C8orf76: variants seen among roughly 807,000 people sequenced by gnomAD.
C8orf76 encodes chromosome 8 open reading frame 76.
C8orf76 carries 46 observed loss-of-function variants against 38.1 expected under a neutral mutation model. The observed-to-expected ratio is 1.21, with a 90% confidence interval of 0.95 to 1.54. The LOEUF is 1.54. Among genes scored for constraint, C8orf76 ranks in the 40% most tolerant of loss-of-function variants. C8orf76 has a pLI of 0.00. For missense variants in C8orf76, 461 were observed against 441.6 expected, an observed-to-expected ratio of 1.04 and a Z score of -0.39; for synonymous variants, 166 against 167.5, an observed-to-expected ratio of 0.99 and a Z score of 0.07.
intron 2 of C8orf76, 116 bp downstream of exon 2, chr8:123,238,933 C>T: frequency 9.6e-7 from 1 of 1,045,432 alleles, no homozygotes. Flanking sequence ...AAACACACAT[C>T]ACAAAAGATT....
At chr8:123,227,156 C>G (rs1326749963) in intron 4 of C8orf76, among the ~76,000 whole-genome samples, 2 of 152,126 alleles carry the variant, frequency 1.3e-5, no homozygotes, top group African/African-American at 4.8e-5. Flanking sequence ...TGATGACCCT[C>G]TGACAACCAC....
chr8:123,221,103 C>G (rs555634318), intron 5 of C8orf76, among the ~76,000 whole-genome samples: 1 of 152,272 alleles, frequency 6.6e-6, no homozygotes, highest in Admixed American at 6.5e-5. Flanking sequence ...CATGAAAACT[C>G]AAATTATAAT....
At chr8:123,231,950 GAGAA>G (rs1825286615) in intron 3 of C8orf76, among the ~76,000 whole-genome samples, 193 bp from the exon 4 acceptor site, 1 of 152,118 alleles carries the variant, frequency 6.6e-6, no homozygotes. Flanking sequence ...ATGCTACCTA[GAGAA>G]AGAGTCACCA....
intron 3 of C8orf76, 116 bp from the exon 4 acceptor site, chr8:123,231,873 G>T: frequency 9.0e-7 from 1 of 1,111,188 alleles, no homozygotes; most frequent in Non-Finnish European, 1.2e-6. Flanking sequence ...TCTTTCAGTA[G>T]CTATACGAGT....
intron 3 of C8orf76, among the ~76,000 whole-genome samples, chr8:123,233,360 G>A (rs1325526966): frequency 6.6e-6 from 1 of 151,804 alleles, no homozygotes; most frequent in African/African-American, 2.4e-5. Flanking sequence ...GTGTGTTAGG[G>A]TGGAGGCTGT....
In C8orf76 at chr8:123,226,546, A is replaced by C. The variant is rs559914198; in HGVS notation, c.902T>G (p.Met301Arg). 2 of 1,613,596 alleles carry C rather than the reference A, an allele frequency of 1.2e-6. No individual in the cohort carries two copies. The highest frequency in any genetic ancestry group is 1.7e-5 in the Admixed American group (1 of 59,836). ...LRTQQEIEDK[M>R]KGFSFKEDTL... ...GTCTTCTTTGAAGCTGAACCCTTTC[A>C]TTTTATCTTCAATTTCCTGCTGAGT... Residue 301 changes from methionine to arginine, a missense_variant, in exon 5 of 6, where the codon ATG becomes AGG. Met to Arg is a moderately conservative substitution (Grantham distance 91). Coordinates refer to ENST00000276704, the MANE Select transcript of C8orf76 (RefSeq NM_032847.3).
intron 4 of C8orf76, among the ~76,000 whole-genome samples, chr8:123,229,653 T>C (rs1379728843): frequency 6.6e-6 from 1 of 152,232 alleles, no homozygotes; most frequent in Non-Finnish European, 1.5e-5. Context: ...TGGCACACGG[T>C]TGTCATTCAA....
chr8:123,228,221 G>A (rs1329939128), intron 4 of C8orf76, among the ~76,000 whole-genome samples: 1 of 152,018 alleles, frequency 6.6e-6, no homozygotes, highest in Non-Finnish European at 1.5e-5. Flanking sequence ...TATTACCACT[G>A]TACCAGCCTA....
intron 5 of C8orf76, among the ~76,000 whole-genome samples, chr8:123,222,419 A>G (rs1164588931): frequency 6.6e-6 from 1 of 152,238 alleles, no homozygotes; most frequent in African/African-American, 2.4e-5. Context: ...AAGATAAATG[A>G]ATAATAGTAA....
chr8:123,226,033 G>T (rs1363487906), intron 5 of C8orf76, among the ~76,000 whole-genome samples: 1 of 152,116 alleles, frequency 6.6e-6, no homozygotes, highest in Non-Finnish European at 1.5e-5. Context: ...GAATAAAATG[G>T]ACTTGCAGCT....
At chr8:123,221,208 C>T (rs996449286) in intron 5 of C8orf76, among the ~76,000 whole-genome samples, 1 of 152,194 alleles carries the variant, frequency 6.6e-6, no homozygotes, top group African/African-American at 2.4e-5. Context: ...GAGAGCCAAG[C>T]TTCACTAGGC....
intron 3 of C8orf76, 41 bp from the exon 4 acceptor site, chr8:123,231,798 A>T: frequency 6.6e-7 from 1 of 1,519,110 alleles, no homozygotes. Flanking sequence ...TAAACTTCAA[A>T]GCATTTTCCA....
chr8:123,239,563 T>C (rs1825609824), intron 1 of C8orf76: 1 of 160,090 alleles, frequency 6.2e-6, no homozygotes, highest in Admixed American at 6.0e-5. Flanking sequence ...GAGGCTCCAA[T>C]GCAACCAAAT....
intron 5 of C8orf76, 24 bp from the exon 6 acceptor site, chr8:123,220,321 A>AG: frequency 1.3e-6 from 2 of 1,494,858 alleles, no homozygotes; most frequent in South Asian, 1.3e-5. Flanking sequence ...AAAAAAAAAA[A>AG]CTGTCCCAAT....
intron 5 of C8orf76, 174 bp downstream of exon 5, chr8:123,226,326 G>T: frequency 2.1e-6 from 3 of 1,457,372 alleles, no homozygotes; most frequent in Non-Finnish European, 2.7e-6. Context: ...CGCTGCAGGG[G>T]AATGCCGATC....
intron 4 of C8orf76, among the ~76,000 whole-genome samples, chr8:123,229,280 G>A (rs1188588154): frequency 2.6e-5 from 4 of 152,210 alleles, no homozygotes; most frequent in Non-Finnish European, 5.9e-5. Flanking sequence ...TCCTGGCCCT[G>A]CACTTCACAG....
intron 5 of C8orf76, among the ~76,000 whole-genome samples, chr8:123,223,331 G>A (rs780933159): frequency 2.0e-5 from 3 of 152,218 alleles, no homozygotes; most frequent in Non-Finnish European, 2.9e-5. Context: ...GACTTAGCCG[G>A]GTGCAGTGGC....
chr8:123,232,996 G>A (rs1825329447), intron 3 of C8orf76, among the ~76,000 whole-genome samples: 1 of 152,022 alleles, frequency 6.6e-6, no homozygotes, highest in African/African-American at 2.4e-5. Flanking sequence ...TCTGTAACCA[G>A]TCTATAGGGC....
chr8:123,222,541 C>CA (rs1049927192), intron 5 of C8orf76, among the ~76,000 whole-genome samples: 8 of 151,430 alleles, frequency 5.3e-5, no homozygotes, highest in East Asian at 3.9e-4. Context: ...TTCCATATGC[C>CA]AAAAAAAATC....
Sources: allele counts gnomAD v4.1 joint callset (sites outside exome capture counted in the v4.1 genomes callset), GRCh38; gene constraint gnomAD v4.1.1; transcripts MANE v1.5; gene names NCBI Gene and HGNC (gene_info 2026-07-23, HGNC 2026-07-21).